Variants in NPEPPS observed in about 807,000 individuals in gnomAD.
NPEPPS encodes the protein aminopeptidase puromycin sensitive.
Under a neutral mutation model 115.5 loss-of-function variants are expected in NPEPPS, and 14 were observed. That is an observed-to-expected ratio of 0.12 (90% CI 0.08 to 0.19). The LOEUF (loss-of-function observed/expected upper bound fraction) is 0.19, where lower values mean the gene tolerates loss of function less well. NPEPPS is among the 10% of genes least tolerant of loss of function. NPEPPS has a pLI of 1.00. For synonymous variants in NPEPPS, 285 were observed against 390.6 expected, an observed-to-expected ratio of 0.73 and a Z score of 3.19; for missense variants, 523 against 1,110.8, an observed-to-expected ratio of 0.47 and a Z score of 7.52.
intron 2 of NPEPPS, among the ~76,000 whole-genome samples, chr17:47,559,354 T>G (rs1211846284): frequency 6.6e-6 from 1 of 152,190 alleles, no homozygotes; most frequent in Admixed American, 6.5e-5. Flanking sequence ...TTTTTTCTTA[T>G]TACATATTTT....
At chr17:47,568,200 G>A (rs1281741163) in intron 2 of NPEPPS, among the ~76,000 whole-genome samples, 1 of 140,432 alleles carries the variant, frequency 7.1e-6, no homozygotes, top group Non-Finnish European at 1.5e-5. Flanking sequence ...GTCTCGCTCT[G>A]TCGCCCAGGC....
chr17:47,548,590 C>CTTTTTTTTTTTTTTT, intron 2 of NPEPPS, among the ~76,000 whole-genome samples: 1 of 104,726 alleles, frequency 9.5e-6, no homozygotes, highest in Non-Finnish European at 1.9e-5. Context: ...CTGAAAAGTT[C>CTTTTTTTTTTTTTTT]TTTTTTTTTT....
In NPEPPS at chr17:47,621,911, C is replaced by G. The variant is rs749565541; in HGVS notation, c.2751C>G (p.Pro917=). ...TCCTTCAGCGGAAGGCCTCACCACC[C>G]ACAGTGTGAATCCTGAGGTGCCGCC... is the stretch of plus-strand genomic sequence containing the variant. ...QYLLQRKASP[P]TV Residue 917 remains proline (P), a synonymous_variant, in exon 23 of 23, where the codon CCC becomes CCG. Transcript: ENST00000322157. 1 of 1,611,794 alleles carries G rather than the reference C, an allele frequency of 6.2e-7. No individual in the cohort carries two copies. The highest frequency in any genetic ancestry group is 1.1e-5 in the South Asian group (1 of 90,756).
chr17:47,619,893 G>A (rs1214289394), intron 22 of NPEPPS, 109 bp downstream of exon 22: 3 of 939,378 alleles, frequency 3.2e-6, no homozygotes, highest in Admixed American at 3.7e-5. Flanking sequence ...CTGTGTTTTT[G>A]TTTAGAGAAA....
At chr17:47,621,180 C>T (rs1311400844) in intron 22 of NPEPPS, among the ~76,000 whole-genome samples, 1 of 84,752 alleles carries the variant, frequency 1.2e-5, no homozygotes, top group Non-Finnish European at 2.6e-5. Flanking sequence ...GACCCTGTCT[C>T]AAAAAAAAAA....
chr17:47,534,423 G>T (rs1908046306), intron 1 of NPEPPS, among the ~76,000 whole-genome samples: 1 of 152,174 alleles, frequency 6.6e-6, no homozygotes, highest in African/African-American at 2.4e-5. Context: ...ACTGATATTG[G>T]ATCAGTTTCC....
At chr17:47,586,546 T>G (rs112743441) in intron 8 of NPEPPS, 148 bp downstream of exon 8, 86,804 of 682,506 alleles carry the variant, frequency 0.13, 6,817 homozygotes, top group Non-Finnish European at 0.16. Flanking sequence ...ATTTCAAGAA[T>G]GCAGATGGAC....
chr17:47,619,713 C>T (rs762955292), intron 21 of NPEPPS, 24 bp from the exon 22 acceptor site: 6 of 1,604,650 alleles, frequency 3.7e-6, no homozygotes, highest in Non-Finnish European at 5.1e-6. Context: ...GTTTCACTTA[C>T]TGTTTAAAAC....
At chr17:47,534,765 T>C in intron 1 of NPEPPS, among the ~76,000 whole-genome samples, 1 of 151,140 alleles carries the variant, frequency 6.6e-6, no homozygotes, top group Non-Finnish European at 1.5e-5. Context: ...GATGGGGTTT[T>C]GCCATGTTGG....
intron 13 of NPEPPS, among the ~76,000 whole-genome samples, chr17:47,596,972 C>T (rs111729715): frequency 0.02 from 3,052 of 151,200 alleles, 85 homozygotes; most frequent in East Asian, 0.15. Context: ...TGCTTGAACT[C>T]GAGAGGTGGA....
intron 12 of NPEPPS, among the ~76,000 whole-genome samples, chr17:47,595,005 G>A (rs1025370154): frequency 1.1e-4 from 16 of 151,092 alleles, no homozygotes; most frequent in African/African-American, 3.2e-4. Flanking sequence ...TCTTGGCTTC[G>A]TTGCAACCTC....
intron 12 of NPEPPS, among the ~76,000 whole-genome samples, chr17:47,593,121 T>G (rs1039922700): frequency 2.6e-5 from 4 of 152,194 alleles, no homozygotes; most frequent in Non-Finnish European, 5.9e-5. Context: ...AAAAGAAATA[T>G]GAAATTCAAA....
intron 3 of NPEPPS, among the ~76,000 whole-genome samples, chr17:47,572,021 C>T (rs1381627845): frequency 7.3e-6 from 1 of 137,094 alleles, no homozygotes; most frequent in Non-Finnish European, 1.6e-5. Context: ...AACTGTCTTT[C>T]CAGGACTAGT....
chr17:47,565,277 G>A (rs1441353590), intron 2 of NPEPPS, among the ~76,000 whole-genome samples: 6 of 152,122 alleles, frequency 3.9e-5, no homozygotes, highest in Admixed American at 6.5e-5. Context: ...TTGGGAGGCC[G>A]AGGCTGGTGG....
intron 5 of NPEPPS, among the ~76,000 whole-genome samples, chr17:47,583,118 G>A (rs1372911641): frequency 6.6e-6 from 1 of 151,340 alleles, no homozygotes; most frequent in Non-Finnish European, 1.5e-5. Context: ...AAAGTGCTGG[G>A]ATTACAGGCA....
intron 22 of NPEPPS, 52 bp downstream of exon 22, chr17:47,619,836 A>T: frequency 7.5e-7 from 1 of 1,332,904 alleles, no homozygotes; most frequent in Non-Finnish European, 1.1e-6. Context: ...AGTAAAAACA[A>T]TAACCTGGTT....
rs986119569 is a variant in NPEPPS at position 47,604,265 on chromosome 17, CT to C, written c.1875+218del. On this transcript the variant is annotated intron_variant, in intron 16 of 22. Coordinates refer to ENST00000322157, the MANE Select transcript of NPEPPS (RefSeq NM_006310.4). ...ACTCCTAAGCCAGCTTTCTGAAACT[CT>C]TAATTAAACTATCCTTTGTAAGGCA... The C allele has an allele frequency of 3.5e-4, 140 of 395,190 alleles. 2 individuals carry two copies. The Admixed American group carries it at 4.1e-3, about 12-fold the overall frequency. 24.5% of individuals were successfully genotyped at this position (395,190 alleles called of 1,614,324 possible). A position where few individuals can be genotyped will look rare whatever the true frequency, so the allele number is the denominator to read the frequency against.
intron 12 of NPEPPS, among the ~76,000 whole-genome samples, chr17:47,595,457 T>A (rs1912804391): frequency 6.6e-6 from 1 of 152,242 alleles, no homozygotes; most frequent in African/African-American, 2.4e-5. Flanking sequence ...ACATTTCAAT[T>A]TCTTTGTTTC....
chr17:47,589,344 T>A (rs1912371560), intron 9 of NPEPPS, among the ~76,000 whole-genome samples: 1 of 151,984 alleles, frequency 6.6e-6, no homozygotes. Flanking sequence ...CAGCTTCATC[T>A]TCCTGGGCTT....
Sources: allele counts gnomAD v4.1 joint callset (sites outside exome capture counted in the v4.1 genomes callset), GRCh38; gene constraint gnomAD v4.1.1; transcripts MANE v1.5; gene names NCBI Gene and HGNC (gene_info 2026-07-23, HGNC 2026-07-21).